Variants in CLDN16 observed in about 807,000 individuals in gnomAD.
CLDN16 encodes claudin 16.
A neutral mutation model predicts 24.6 loss-of-function variants in CLDN16; 13 were observed. The observed-to-expected ratio is 0.53, with a 90% CI of 0.34 to 0.84. CLDN16 has a LOEUF of 0.84. CLDN16 is among the 40% of genes least tolerant of loss of function. The pLI is 0.01. For synonymous variants in CLDN16, 116 were observed against 106.7 expected, an observed-to-expected ratio of 1.09 and a Z score of -0.54; for missense variants, 298 against 292.7, an observed-to-expected ratio of 1.02 and a Z score of -0.13.
chr3:190,408,591 A>G (rs1719167667), intron 4 of CLDN16, 86 bp downstream of exon 4: 3 of 1,288,008 alleles, frequency 2.3e-6, no homozygotes, highest in Middle Eastern at 2.1e-4. Flanking sequence ...AAGGAAAAAA[A>G]TGTTATTTAT....
intron 1 of CLDN16, among the ~76,000 whole-genome samples, chr3:190,395,963 G>A (rs181979668): frequency 5.9e-5 from 9 of 152,074 alleles, no homozygotes; most frequent in South Asian, 4.2e-4. Context: ...GATAAATGCC[G>A]AACATTGTTG....
intron 2 of CLDN16, among the ~76,000 whole-genome samples, chr3:190,373,609 A>G (rs1349977954): frequency 6.6e-6 from 1 of 151,946 alleles, no homozygotes; most frequent in Non-Finnish European, 1.5e-5. Context: ...TAACTAATTT[A>G]TATTGCCTTA....
the CLDN16 span, among the ~76,000 whole-genome samples, chr3:190,299,518 G>A: frequency 6.7e-6 from 1 of 150,130 alleles, no homozygotes; most frequent in Non-Finnish European, 1.5e-5. Context: ...TTAATTTATG[G>A]TAAGAAATTT....
chr3:190,399,621 C>G (rs779102332), intron 1 of CLDN16, among the ~76,000 whole-genome samples: 1 of 152,106 alleles, frequency 6.6e-6, no homozygotes, highest in Non-Finnish European at 1.5e-5. Flanking sequence ...GTATAGTGAT[C>G]CCATTAGGGT....
the CLDN16 span, chr3:190,310,126 A>AT: frequency 6.5e-7 from 1 of 1,531,928 alleles, no homozygotes; most frequent in East Asian, 2.2e-5. Flanking sequence ...TAAAAAGGGC[A>AT]TTTTCTCAGA....
intron 1 of CLDN16, among the ~76,000 whole-genome samples, chr3:190,393,964 G>T (rs914093609): frequency 6.6e-6 from 1 of 151,798 alleles, no homozygotes; most frequent in Non-Finnish European, 1.5e-5. Context: ...TATTGGCCAG[G>T]CTCGTCTTGA....
intron 1 of CLDN16, among the ~76,000 whole-genome samples, chr3:190,329,383 T>G (rs1717136135): frequency 1.3e-5 from 2 of 152,198 alleles, no homozygotes; most frequent in African/African-American, 2.4e-5. Context: ...AGACATTACT[T>G]GTGTTCCTAA....
chr3:190,388,852 C>CT (rs1410050410), intron 1 of CLDN16, among the ~76,000 whole-genome samples: 5 of 152,034 alleles, frequency 3.3e-5, no homozygotes, highest in South Asian at 2.1e-4. Context: ...GTGTGATAGA[C>CT]TTTTTTTAAG....
intron 1 of CLDN16, chr3:190,370,799 A>T (rs964740299): frequency 5.9e-5 from 9 of 151,812 alleles, no homozygotes; most frequent in East Asian, 2.0e-4. Context: ...CCATCTAATC[A>T]GCTGCCAGTG....
intron 1 of CLDN16, among the ~76,000 whole-genome samples, chr3:190,337,261 T>C (rs6789788): frequency 0.07 from 10,729 of 152,262 alleles, 564 homozygotes; most frequent in African/African-American, 0.14. Context: ...ACATGGTCAT[T>C]GGTGGATAGC....
chr3:190,342,457 T>C (rs1717459718), intron 1 of CLDN16, among the ~76,000 whole-genome samples: 1 of 151,812 alleles, frequency 6.6e-6, no homozygotes. Context: ...AAAAAGACAA[T>C]CTGATTTACA....
the CLDN16 span, among the ~76,000 whole-genome samples, chr3:190,311,492 A>G: frequency 1.3e-4 from 20 of 152,174 alleles, no homozygotes; most frequent in African/African-American, 4.6e-4. Context: ...CTGACATATT[A>G]TACTGAAGCA....
At chr3:190,315,974 C>CT in the CLDN16 span, among the ~76,000 whole-genome samples, 1 of 152,148 alleles carries the variant, frequency 6.6e-6, no homozygotes, top group Non-Finnish European at 1.5e-5. Flanking sequence ...TTTTTAATCT[C>CT]TAAGTTTTTG....
chr3:190,364,648 T>C (rs1020648769), intron 1 of CLDN16, among the ~76,000 whole-genome samples: 1 of 151,918 alleles, frequency 6.6e-6, no homozygotes, highest in African/African-American at 2.4e-5. Flanking sequence ...CTAGTAGCAT[T>C]AGGGTCTGAC....
chr3:190,379,056 G>T (rs1284134006), intron 3 of CLDN16, among the ~76,000 whole-genome samples: 1 of 151,950 alleles, frequency 6.6e-6, no homozygotes, highest in African/African-American at 2.4e-5. Flanking sequence ...GAAAATTTGA[G>T]GCGTAAGCAA....
chr3:190,372,953 T>A (rs1718172859), intron 2 of CLDN16, among the ~76,000 whole-genome samples: 1 of 151,926 alleles, frequency 6.6e-6, no homozygotes, highest in Non-Finnish European at 1.5e-5. Flanking sequence ...TTCTTCCTTC[T>A]AGCATTTCTG....
chr3:190,296,514 T>C, the CLDN16 span, among the ~76,000 whole-genome samples: 1 of 151,728 alleles, frequency 6.6e-6, no homozygotes, highest in Admixed American at 6.6e-5. Context: ...AGTAATAACG[T>C]ATGAGGATGG....
rs573489492 is a variant in CLDN16 at position 190,326,073 on chromosome 3, A to G, written n.121+3412A>G. On this transcript the variant is annotated intron_variant and non_coding_transcript_variant, in intron 1 of 4. Coordinates refer to the CLDN16 transcript ENST00000468220. ...CTTTTGAATCCCATTACTGCCACTT[A>G]AAGTAACCTTGAGAAATTTGCATAA... Among the ~76,000 whole-genome samples the G allele has an allele frequency of 8.7e-4, 133 of 152,292 alleles. 1 individual carries two copies. Among genetic ancestry groups the G allele is most frequent in the South Asian group, 3.5e-3 (17 of 4,824 alleles).
chr3:190,399,923 C>A (rs550227053), intron 1 of CLDN16, among the ~76,000 whole-genome samples: 8 of 152,250 alleles, frequency 5.3e-5, no homozygotes, highest in Admixed American at 1.3e-4. Context: ...GGAGTGCAAA[C>A]CCTGTTGTGA....
Sources: allele counts gnomAD v4.1 joint callset (sites outside exome capture counted in the v4.1 genomes callset), GRCh38; gene constraint gnomAD v4.1.1; transcripts MANE v1.5; gene names NCBI Gene and HGNC (gene_info 2026-07-23, HGNC 2026-07-21).